Variants in RGS17 observed in about 807,000 individuals in gnomAD.
RGS17 encodes regulator of G protein signaling 17, also known as regulator of G-protein signaling 17.
Under a neutral mutation model 25.5 loss-of-function variants are expected in RGS17, and 12 were observed. The ratio of observed to expected loss-of-function variants is 0.47; its 90% CI spans 0.30 to 0.76. The LOEUF is 0.76. RGS17 is among the 30% of genes least tolerant of loss of function. The pLI is 0.07. For synonymous variants in RGS17, 71 were observed against 76.9 expected (o/e 0.92, Z 0.40); for missense variants, 196 against 242.2 (o/e 0.81, Z 1.27).
chr6:153,083,707 C>T (rs898375367), intron 1 of RGS17, among the ~76,000 whole-genome samples: 1 of 152,162 alleles, frequency 6.6e-6, no homozygotes, highest in African/African-American at 2.4e-5. Flanking sequence ...ATTGCTACCA[C>T]ATCAATTACA....
intron 1 of RGS17, among the ~76,000 whole-genome samples, chr6:153,078,898 T>A (rs1776927147): frequency 6.6e-6 from 1 of 151,374 alleles, no homozygotes; most frequent in Non-Finnish European, 1.5e-5. Context: ...TAATTTTGTA[T>A]CCTGACTAAA....
rs1365309659 is a variant in RGS17 at position 153,005,476 on chromosome 6, A to G, written c.*6098T>C. ...AAAAACGCATTACTTTACAGTGGAGAAATATAATAGATGCTACCTCAGCTA... is the reference window on the plus strand; with the variant it reads ...AAAAACGCATTACTTTACAGTGGAGGAATATAATAGATGCTACCTCAGCTA... On this transcript the variant is annotated 3_prime_UTR_variant, in exon 5 of 5. Coordinates refer to ENST00000206262, the MANE Select transcript of RGS17 (RefSeq NM_012419.5). 1 of 152,192 alleles carries G rather than the reference A, an allele frequency of 6.6e-6. No homozygotes were observed. The highest frequency in any genetic ancestry group is 2.4e-5 in the African/African-American group (1 of 41,428). 9.4% of individuals were successfully genotyped at this position (152,192 alleles called of 1,614,324 possible).
intron 1 of RGS17, among the ~76,000 whole-genome samples, chr6:153,048,602 C>G (rs1776415625): frequency 6.6e-6 from 1 of 152,182 alleles, no homozygotes; most frequent in African/African-American, 2.4e-5. Flanking sequence ...CTCTTGTTGT[C>G]TGTTTCAATC....
At chr6:153,111,151 G>A (rs1777463843) in intron 1 of RGS17, among the ~76,000 whole-genome samples, 2 of 152,128 alleles carry the variant, frequency 1.3e-5, no homozygotes, top group Admixed American at 6.5e-5. Flanking sequence ...CTAGCTCAGC[G>A]GATCCCACCC....
At chr6:153,122,409 A>G (rs1036285805) in intron 1 of RGS17, among the ~76,000 whole-genome samples, 1 of 152,184 alleles carries the variant, frequency 6.6e-6, no homozygotes, top group African/African-American at 2.4e-5. Flanking sequence ...CATCATTTAT[A>G]TAAACATAGG....
chr6:153,048,903 G>A (rs867159139), intron 1 of RGS17, among the ~76,000 whole-genome samples: 13 of 152,260 alleles, frequency 8.5e-5, no homozygotes, highest in Middle Eastern at 3.4e-3. Flanking sequence ...ATTTCATGAA[G>A]GTAGGCACTT....
intron 1 of RGS17, among the ~76,000 whole-genome samples, chr6:153,115,490 C>A (rs1429325214): frequency 6.6e-6 from 1 of 152,164 alleles, no homozygotes; most frequent in African/African-American, 2.4e-5. Flanking sequence ...GTGAAAACAG[C>A]CATACTGCCC....
At chr6:153,067,183 T>C (rs1776722359) in intron 1 of RGS17, among the ~76,000 whole-genome samples, 1 of 152,112 alleles carries the variant, frequency 6.6e-6, no homozygotes, top group African/African-American at 2.4e-5. Flanking sequence ...AAAAGCCATA[T>C]ATGACAGAAA....
intron 3 of RGS17, among the ~76,000 whole-genome samples, chr6:153,026,170 G>T (rs1354179249): frequency 6.6e-6 from 1 of 152,100 alleles, no homozygotes; most frequent in Non-Finnish European, 1.5e-5. Context: ...GAGAAGTAAT[G>T]AATTAGGGCA....
chr6:153,079,891 AACCAGTTATTTGG>A (rs1292240278), intron 1 of RGS17, among the ~76,000 whole-genome samples: 1 of 152,202 alleles, frequency 6.6e-6, no homozygotes, highest in East Asian at 1.9e-4. Flanking sequence ...TGAGATAATT[AACCAGTTATTTGG>A]ACCTTATTTG....
intron 1 of RGS17, among the ~76,000 whole-genome samples, chr6:153,120,720 T>C (rs1777618025): frequency 6.6e-6 from 1 of 152,228 alleles, no homozygotes; most frequent in Non-Finnish European, 1.5e-5. Flanking sequence ...ATGTCTTCTT[T>C]TTTAGCCTTA....
At chr6:153,126,685 G>A (rs1216792885) in intron 1 of RGS17, among the ~76,000 whole-genome samples, 1 of 152,176 alleles carries the variant, frequency 6.6e-6, no homozygotes, top group Non-Finnish European at 1.5e-5. Context: ...CACCTATCAA[G>A]TTAGCAAAGA....
intron 4 of RGS17, among the ~76,000 whole-genome samples, chr6:153,016,172 C>T (rs1779182184): frequency 6.6e-6 from 1 of 152,062 alleles, no homozygotes; most frequent in African/African-American, 2.4e-5. Flanking sequence ...CTGTTATTAC[C>T]ACATGAGGTC....
At chr6:153,109,890 T>C (rs566392891) in intron 1 of RGS17, among the ~76,000 whole-genome samples, 1 of 152,364 alleles carries the variant, frequency 6.6e-6, no homozygotes, top group African/African-American at 2.4e-5. Flanking sequence ...AAGCCCAACA[T>C]GGTGCCTGAA....
chr6:153,111,062 C>A (rs1184478247), intron 1 of RGS17, among the ~76,000 whole-genome samples: 2 of 151,924 alleles, frequency 1.3e-5, no homozygotes, highest in Non-Finnish European at 2.9e-5. Flanking sequence ...TTTTCATACC[C>A]CAGCAGTGCC....
Position 153,008,967 on chromosome 6 carries a change from C to G in RGS17, c.*2607G>C, listed in dbSNP as rs1562310343. The G allele has an allele frequency of 6.6e-6, 1 of 152,126 alleles. No homozygotes were observed. Among genetic ancestry groups the G allele is most frequent in the Non-Finnish European group, 1.5e-5 (1 of 67,998 alleles). The allele number at this position is 152,126 out of a possible 1,614,324, so 9.4% of individuals were successfully genotyped here. A position where few individuals can be genotyped will look rare whatever the true frequency, so the allele number is the denominator to read the frequency against. On this transcript the variant is annotated 3_prime_UTR_variant, in exon 5 of 5. Transcript: ENST00000206262. ...AAAATACGAGTTTAGCACAGAAATG[C>G]TCACATAGCATGGTTATCAACATCT... is the stretch of plus-strand genomic sequence containing the variant.
intron 2 of RGS17, among the ~76,000 whole-genome samples, chr6:153,034,616 GT>G (rs561120673): frequency 1.8e-4 from 28 of 152,278 alleles, no homozygotes; most frequent in African/African-American, 6.5e-4. Context: ...CTTGCCAAAG[GT>G]TTCATAGTTA....
At chr6:153,078,268 G>C (rs918140801) in intron 1 of RGS17, among the ~76,000 whole-genome samples, 2 of 152,216 alleles carry the variant, frequency 1.3e-5, no homozygotes, top group Middle Eastern at 3.4e-3. Flanking sequence ...TGGATGCTTT[G>C]CATTTCTGTA....
intron 4 of RGS17, among the ~76,000 whole-genome samples, chr6:153,015,811 G>A (rs1442300990): frequency 3.3e-5 from 5 of 151,892 alleles, no homozygotes; most frequent in Non-Finnish European, 5.9e-5. Context: ...CCGCCACCAC[G>A]CCCGGCTAAT....
Sources: gnomAD v4.1 joint callset for allele counts (sites outside exome capture counted in the v4.1 genomes callset) on GRCh38, gnomAD v4.1.1 for gene constraint, MANE v1.5 for transcripts, NCBI Gene and HGNC (gene_info 2026-07-23, HGNC 2026-07-21) for gene names.